BUD31: variants seen among roughly 807,000 people sequenced by gnomAD.
BUD31 encodes the protein BUD31 spliceosome associated protein.
A neutral mutation model predicts 17.9 loss-of-function variants in BUD31; 9 were observed. The ratio of observed to expected loss-of-function variants is 0.50; its 90% CI spans 0.30 to 0.88. BUD31 has a LOEUF of 0.88. Among genes scored for constraint, BUD31 ranks in the 40% least tolerant of loss-of-function variants. The pLI, the probability that BUD31 is intolerant of heterozygous loss-of-function variation, is 0.06. For missense variants in BUD31, 148 were observed against 184.5 expected (o/e 0.80, Z 1.15); for synonymous variants, 70 against 64.7 (o/e 1.08, Z -0.39).
intron 5 of BUD31, chr7:99,419,107 A>G (rs28378107): frequency 0.029 from 14,303 of 496,080 alleles, 1,343 homozygotes; most frequent in African/African-American, 0.22. Flanking sequence ...GAATAACGAG[A>G]CTCATTCACA....
rs1045325409 is a variant in BUD31 at position 99,417,723 on chromosome 7, C to T, written c.384+128C>T. 19 of 1,538,452 alleles carry T rather than the reference C, an allele frequency of 1.2e-5. No individual in the cohort carries two copies. The African/African-American group carries it at 2.5e-4, about 20-fold the overall frequency. On this transcript the variant is annotated intron_variant, in intron 5 of 5. Transcript: ENST00000222969. ...TGTCCCTGGATGTCCTGCTGGCTCT[C>T]CCTCGTGGGAGTGGGTCCCTGTATT... is the stretch of plus-strand genomic sequence containing the variant.
chr7:99,414,203 G>A (rs1034381028), intron 3 of BUD31, among the ~76,000 whole-genome samples: 5 of 151,256 alleles, frequency 3.3e-5, no homozygotes, highest in South Asian at 2.1e-4. Flanking sequence ...GCAGTGGTGC[G>A]ATCTTGGCTC....
At chr7:99,415,696 G>A (rs906436570) in intron 3 of BUD31, among the ~76,000 whole-genome samples, 3 of 152,144 alleles carry the variant, frequency 2.0e-5, no homozygotes, top group African/African-American at 7.2e-5. Context: ...AGATGCTGGC[G>A]TTACCGCTAG....
At chr7:99,417,919 GT>G (rs1488325139) in intron 5 of BUD31, 1 of 1,293,100 alleles carries the variant, frequency 7.7e-7, no homozygotes, top group Non-Finnish European at 9.9e-7. Context: ...CAACCAGTGA[GT>G]TCCTGTCCCT....
chr7:99,413,333 A>G (rs989493793), intron 3 of BUD31, among the ~76,000 whole-genome samples: 3 of 152,178 alleles, frequency 2.0e-5, no homozygotes, highest in Non-Finnish European at 4.4e-5. Flanking sequence ...TGCGGCAAGT[A>G]TGAGTGCCAC....
chr7:99,419,286 ATAT>A, intron 5 of BUD31, 102 bp from the exon 6 acceptor site: 1 of 1,387,150 alleles, frequency 7.2e-7, no homozygotes, highest in South Asian at 1.2e-5. Context: ...GTGTGTCCCT[ATAT>A]GGCATGGTGG....
intron 4 of BUD31, 69 bp downstream of exon 4, chr7:99,416,329 C>T: frequency 6.4e-7 from 1 of 1,552,802 alleles, no homozygotes. Context: ...TAACCACAAT[C>T]CTTATTCTCG....
At chr7:99,416,892 T>A (rs766709694) in intron 4 of BUD31, 39 of 163,004 alleles carry the variant, frequency 2.4e-4, no homozygotes, top group Non-Finnish European at 4.6e-4. Flanking sequence ...AGCTAATTTT[T>A]AAATTTTTTG....
intron 5 of BUD31, chr7:99,419,189 T>C (rs1795680917): frequency 1.7e-6 from 1 of 597,104 alleles, no homozygotes. Context: ...CATACAGATG[T>C]AACCTCGGTG....
chr7:99,411,577 T>G (rs928866231), intron 3 of BUD31, among the ~76,000 whole-genome samples: 2 of 152,194 alleles, frequency 1.3e-5, no homozygotes, highest in Non-Finnish European at 2.9e-5. Context: ...TTTCTGTCAC[T>G]TCCTTGTAAA....
At chr7:99,409,779 G>GGGGGGGGC (rs1795103069) in intron 1 of BUD31, among the ~76,000 whole-genome samples, 1 of 104,496 alleles carries the variant, frequency 9.6e-6, no homozygotes, top group African/African-American at 3.8e-5. Context: ...CGGGGGGGGG[G>GGGGGGGGC]TGGGTCTTTG....
At chr7:99,411,260 A>G in intron 3 of BUD31, 74 bp downstream of exon 3, 1 of 1,089,048 alleles carries the variant, frequency 9.2e-7, no homozygotes, top group East Asian at 2.4e-5. Flanking sequence ...GGGGACAGGC[A>G]TAAATGCAAA....
intron 5 of BUD31, 41 bp downstream of exon 5, chr7:99,417,636 A>G: frequency 6.2e-7 from 1 of 1,604,896 alleles, no homozygotes; most frequent in South Asian, 1.1e-5. Context: ...TTTCAGCTCA[A>G]AATTCTGCCT....
chr7:99,411,215 G>T, intron 3 of BUD31, 29 bp downstream of exon 3: 4 of 1,588,606 alleles, frequency 2.5e-6, no homozygotes, highest in Non-Finnish European at 2.6e-6. Flanking sequence ...GTCTGGGTGG[G>T]CTGGGTCCAA....
chr7:99,419,032 T>A, intron 5 of BUD31: 1 of 280,614 alleles, frequency 3.6e-6, no homozygotes, highest in Admixed American at 4.9e-5. Context: ...GAGGCCCCCC[T>A]GAAGTCCCCA....
intron 3 of BUD31, 116 bp from the exon 4 acceptor site, chr7:99,416,022 C>T: frequency 6.9e-7 from 1 of 1,441,210 alleles, no homozygotes; most frequent in African/African-American, 1.4e-5. Context: ...TTGCCACCCA[C>T]AGCCATCCTA....
At chr7:99,414,138 A>AT (rs1307131489) in intron 3 of BUD31, among the ~76,000 whole-genome samples, 2 of 148,176 alleles carry the variant, frequency 1.3e-5, no homozygotes, top group Admixed American at 6.7e-5. Context: ...CTTATTTTTT[A>AT]TTTTTTTATT....
Position 99,416,642 on chromosome 7 carries a change from C to T in BUD31, c.217+382C>T, listed in dbSNP as rs567792575. The T allele has an allele frequency of 1.8e-3, 296 of 162,562 alleles. 2 individuals are homozygous for T. Among genetic ancestry groups the T allele is most frequent in the Middle Eastern group, 3.1e-3 (1 of 318 alleles). The allele number at this position is 162,562 out of a possible 1,614,324, so 10.1% of individuals were successfully genotyped here. Reference sequence around the variant, plus strand: ...CCATATTGGTCAGGCTGATCTTGAACTCCTGACCTCAGGTGATTCACCCGA... The same window carrying T: ...CCATATTGGTCAGGCTGATCTTGAATTCCTGACCTCAGGTGATTCACCCGA... On this transcript the variant is annotated intron_variant, in intron 4 of 5. Transcript: ENST00000222969.
rs909307378 is a variant in BUD31 at position 99,417,971 on chromosome 7, C to T, written c.384+376C>T. The T allele has an allele frequency of 2.5e-6, 3 of 1,188,124 alleles. No homozygotes were observed. The South Asian group carries it at 4.9e-5, about 19-fold the overall frequency. 73.6% of individuals were successfully genotyped at this position (1,188,124 alleles called of 1,614,324 possible). A position where few individuals can be genotyped will look rare whatever the true frequency, so the allele number is the denominator to read the frequency against. On this transcript the variant is annotated intron_variant, in intron 5 of 5. Coordinates refer to ENST00000222969, the MANE Select transcript of BUD31 (RefSeq NM_003910.4). ...GATACTTTAACATTACCATCACTAT[C>T]TTTCCCGCCCCCCCAAGACGGAGTC...
Sources: allele counts gnomAD v4.1 joint callset (sites outside exome capture counted in the v4.1 genomes callset), GRCh38; gene constraint gnomAD v4.1.1; transcripts MANE v1.5; gene names NCBI Gene and HGNC (gene_info 2026-07-23, HGNC 2026-07-21).